Variants in THOC2 observed in about 807,000 individuals in gnomAD.
THOC2 encodes THO complex subunit 2, also known as THO complex 2.
A neutral mutation model predicts 128.4 loss-of-function variants in THOC2; 10 were observed. The ratio of observed to expected loss-of-function variants is 0.08; its 90% CI spans 0.05 to 0.13. The LOEUF is 0.13. Among genes scored for constraint, THOC2 ranks in the 10% least tolerant of loss-of-function variants. The pLI is 1.00. For missense variants in THOC2, 535 were observed against 1,155.7 expected, an observed-to-expected ratio of 0.46 and a Z score of 7.79; for synonymous variants, 393 against 396.9, an observed-to-expected ratio of 0.99 and a Z score of 0.12.
chrX:123,693,283 A>G (rs928180602), intron 7 of THOC2, among the ~76,000 whole-genome samples: 1 of 111,173 alleles, frequency 9.0e-6, no homozygotes, highest in Non-Finnish European at 1.9e-5. Flanking sequence ...ACTTGGTGAA[A>G]CCCCAACTCT....
intron 18 of THOC2, among the ~76,000 whole-genome samples, chrX:123,637,534 C>T (rs957478076): frequency 9.9e-5 from 11 of 110,824 alleles, no homozygotes; most frequent in South Asian, 3.9e-4. Context: ...CCGAGGTGGG[C>T]GGATCACTTG....
At chrX:123,642,488 C>T (rs1157595626) in intron 15 of THOC2, among the ~76,000 whole-genome samples, 1 of 109,896 alleles carries the variant, frequency 9.1e-6, no homozygotes, top group African/African-American at 3.3e-5. Context: ...AGTTCCTGCT[C>T]TCAAGCCTGG....
chrX:123,656,436 C>T (rs1460418228), intron 12 of THOC2, among the ~76,000 whole-genome samples: 3 of 108,592 alleles, frequency 2.8e-5, no homozygotes, highest in African/African-American at 6.7e-5. Flanking sequence ...TGGCTGGGTA[C>T]GGTGTTTGAC....
chrX:123,666,221 G>A (rs1019682395), intron 11 of THOC2, among the ~76,000 whole-genome samples: 10 of 112,394 alleles, frequency 8.9e-5, no homozygotes, highest in African/African-American at 3.2e-4. Context: ...ATGGACCTAA[G>A]ATGCACTGGA....
In THOC2 at chrX:123,665,638, T is replaced by C; in HGVS notation, c.1386+4A>G. ...TTTAGGTTTGTAAGAAAAATCTTAC[T>C]TACCTCCTTCATAAATGACTTGCCT... On this transcript the variant is annotated splice_donor_region_variant and intron_variant, in intron 12 of 38. Coordinates refer to ENST00000245838, the MANE Select transcript of THOC2 (RefSeq NM_001081550.2). The C allele has an allele frequency of 1.8e-6, 2 of 1,119,739 alleles. No individual in the cohort carries two copies. Among genetic ancestry groups the C allele is most frequent in the East Asian group, 3.1e-5 (1 of 31,867 alleles). 92.3% of individuals were successfully genotyped at this position (1,119,739 alleles called of 1,213,427 possible). A position where few individuals can be genotyped will look rare whatever the true frequency, so the allele number is the denominator to read the frequency against.
intron 36 of THOC2, 149 bp downstream of exon 36, chrX:123,613,250 C>T (rs1489333602): frequency 7.4e-6 from 4 of 540,079 alleles, no homozygotes; most frequent in South Asian, 3.2e-5. Context: ...ATTCCCCAAA[C>T]GGAATGCCCT....
At chrX:123,676,624 C>T (rs2049508637) in intron 8 of THOC2, among the ~76,000 whole-genome samples, 1 of 112,350 alleles carries the variant, frequency 8.9e-6, no homozygotes, top group African/African-American at 3.2e-5. Flanking sequence ...TACTATGCCA[C>T]TTTCAGTGAT....
chrX:123,631,664 G>T, intron 22 of THOC2, 24 bp downstream of exon 22: 11 of 1,198,533 alleles, frequency 9.2e-6, no homozygotes, highest in Non-Finnish European at 1.2e-5. Context: ...GTTCTTGAGC[G>T]GCAGCAAAGA....
At chrX:123,620,616 CA>C in intron 32 of THOC2, 1 of 247,156 alleles carries the variant, frequency 4.0e-6, no homozygotes. Flanking sequence ...CATTGCACTC[CA>C]AAAAAGACTG....
intron 8 of THOC2, among the ~76,000 whole-genome samples, chrX:123,685,051 A>G (rs1401881882): frequency 4.4e-5 from 5 of 112,399 alleles, no homozygotes; most frequent in Admixed American, 9.4e-5. Context: ...GAGCTATACC[A>G]AAAGGTAAAT....
intron 15 of THOC2, among the ~76,000 whole-genome samples, chrX:123,642,231 C>T (rs1265687060): frequency 9.0e-6 from 1 of 111,073 alleles, no homozygotes; most frequent in Admixed American, 9.6e-5. Flanking sequence ...CGAGACCAGC[C>T]TGGCCAACAT....
rs1284926379 is a variant in THOC2, at chrX:123,698,235, G to A, written c.275-484C>T. On this transcript the variant is annotated intron_variant, in intron 4 of 38. Transcript: ENST00000245838. The stretch of plus-strand genomic sequence containing the variant: ...AGCACTTTGGGAGGCCAAGGCGGGC[G>A]GATCATGAGGTCAGGAGTTCAAGAC... 2.7e-5 allele frequency among the ~76,000 whole-genome samples: 3 copies of A among 111,437 alleles called. No homozygotes were observed. The Admixed American group carries it at 2.8e-4, about 11-fold the overall frequency.
chrX:123,719,284 A>C (rs1000228637), intron 1 of THOC2, among the ~76,000 whole-genome samples: 2 of 111,437 alleles, frequency 1.8e-5, no homozygotes, highest in African/African-American at 6.5e-5. Context: ...AGAAAAAAAA[A>C]CCTCAAAATC....
chrX:123,721,426 G>A (rs2051690775), intron 1 of THOC2, among the ~76,000 whole-genome samples: 2 of 108,593 alleles, frequency 1.8e-5, no homozygotes, highest in African/African-American at 6.7e-5. Flanking sequence ...GCCCACCTCG[G>A]CCTCCCAAAC....
intron 3 of THOC2, among the ~76,000 whole-genome samples, chrX:123,703,761 G>A (rs2050800323): frequency 1.0e-5 from 1 of 99,008 alleles, no homozygotes; most frequent in Admixed American, 1.1e-4. Flanking sequence ...AATTAGCCAG[G>A]CGTGATGGTG....
intron 12 of THOC2, among the ~76,000 whole-genome samples, chrX:123,662,479 T>C (rs1408677918): frequency 9.4e-6 from 1 of 106,795 alleles, no homozygotes; most frequent in East Asian, 3.0e-4. Flanking sequence ...TCCCAGCTAC[T>C]CGGGAGGCTG....
intron 12 of THOC2, among the ~76,000 whole-genome samples, chrX:123,648,567 G>C (rs2048226380): frequency 8.9e-6 from 1 of 112,578 alleles, no homozygotes; most frequent in Non-Finnish European, 1.9e-5. Context: ...GCACCGGCTT[G>C]ACATTCTCGC....
At position 123,617,295 on chromosome X, in the gene THOC2, TCA is replaced by T. The variant is rs376455609; in HGVS notation, c.4311+2104_4311+2105del. ...CTAAAGATCTGAAAAGTAGTAGGAG[TCA>T]CACAGTTTTTAGAAGCATATGTATA... is the stretch of plus-strand genomic sequence containing the variant. On this transcript the variant is annotated intron_variant, in intron 33 of 38. Coordinates refer to ENST00000245838, the MANE Select transcript of THOC2 (RefSeq NM_001081550.2). Among the ~76,000 whole-genome samples the T allele has an allele frequency of 7.6e-4, 84 of 110,698 alleles. 1 individual carries two copies. The highest frequency in any genetic ancestry group is 2.6e-3 in the African/African-American group (80 of 30,592).
At chrX:123,619,607 G>A in intron 32 of THOC2, 171 bp from the exon 33 acceptor site, 1 of 449,984 alleles carries the variant, frequency 2.2e-6, no homozygotes, top group Non-Finnish European at 3.8e-6. Context: ...ACATGTAATG[G>A]AATTGGAATG....
Sources: allele counts gnomAD v4.1 joint callset (sites outside exome capture counted in the v4.1 genomes callset), GRCh38; gene constraint gnomAD v4.1.1; transcripts MANE v1.5; gene names NCBI Gene and HGNC (gene_info 2026-07-23, HGNC 2026-07-21).